The following SLC38A6 variants were observed in gnomAD, a reference collection of about 807,000 sequenced individuals.
SLC38A6 encodes N system amino acid transporter NAT-1.
A neutral mutation model predicts 65.0 loss-of-function variants in SLC38A6; 73 were observed. The ratio of observed to expected loss-of-function variants is 1.12; its 90% CI spans 0.93 to 1.37. The LOEUF (loss-of-function observed/expected upper bound fraction) is 1.37, where lower values mean the gene tolerates loss of function less well. SLC38A6 is among the 40% of genes most tolerant of loss of function. The pLI is 0.00. For missense variants in SLC38A6, 561 were observed against 531.1 expected (o/e 1.06, Z -0.55); for synonymous variants, 183 against 178.8 (o/e 1.02, Z -0.19).
chr14:61,050,217 CA>C (rs1449648787), intron 12 of SLC38A6, among the ~76,000 whole-genome samples: 5 of 152,076 alleles, frequency 3.3e-5, no homozygotes, highest in African/African-American at 1.2e-4. Context: ...ACAAACAGCA[CA>C]AATGTTCAAA....
chr14:61,079,334 A>G (rs1299840499), intron 16 of SLC38A6, among the ~76,000 whole-genome samples: 2 of 151,564 alleles, frequency 1.3e-5, no homozygotes, highest in Non-Finnish European at 2.9e-5. Context: ...GCGGGGTTTC[A>G]CCATGTTGGT....
chr14:60,990,571 GTATCTCCCC>G (rs2037789084), intron 3 of SLC38A6, among the ~76,000 whole-genome samples: 1 of 152,056 alleles, frequency 6.6e-6, no homozygotes. Context: ...AAGTTATTCT[GTATCTCCCC>G]TTTTTCCCCT....
intron 12 of SLC38A6, among the ~76,000 whole-genome samples, chr14:61,047,126 C>T (rs968317408): frequency 1.3e-5 from 2 of 152,020 alleles, no homozygotes. Flanking sequence ...GGCACAAACA[C>T]TATTATATTT....
chr14:61,033,926 A>C (rs2041170988), intron 6 of SLC38A6: 1 of 152,198 alleles, frequency 6.6e-6, no homozygotes, highest in African/African-American at 2.4e-5. Context: ...ATCCTATGAA[A>C]AGGAGAATGC....
intron 15 of SLC38A6, among the ~76,000 whole-genome samples, chr14:61,065,090 C>T (rs182018628): frequency 3.9e-3 from 597 of 152,038 alleles, no homozygotes; most frequent in African/African-American, 0.014. Flanking sequence ...CTTTAAACAC[C>T]CAAGGTCTGG....
At chr14:61,070,518 T>A in intron 15 of SLC38A6, among the ~76,000 whole-genome samples, 1 of 152,354 alleles carries the variant, frequency 6.6e-6, no homozygotes, top group East Asian at 1.9e-4. Context: ...GCAACAAACA[T>A]GGGAGTGCAA....
chr14:61,074,766 C>G lies in SLC38A6; in HGVS notation c.1291-4044C>G, dbSNP rs1049323475. On this transcript the variant is annotated intron_variant, in intron 15 of 16. Transcript: ENST00000354886. Reference sequence around the variant, plus strand: ...CTTTCTTCTTTCACAAATGTTGTCCCTTTCTCCAAAAGGATAAGAAGCTGC... The same window carrying G: ...CTTTCTTCTTTCACAAATGTTGTCCGTTTCTCCAAAAGGATAAGAAGCTGC... Among the ~76,000 whole-genome samples, 7 of 142,208 alleles carry G rather than the reference C, an allele frequency of 4.9e-5. No homozygotes were observed. The South Asian group carries it at 1.4e-3, about 29-fold the overall frequency. The allele number at this position is 142,208 out of a possible 152,430, so 93.3% of individuals were successfully genotyped here.
At chr14:61,079,286 A>G (rs1313295357) in intron 16 of SLC38A6, among the ~76,000 whole-genome samples, 1 of 151,340 alleles carries the variant, frequency 6.6e-6, no homozygotes, top group Non-Finnish European at 1.5e-5. Context: ...ACAGGCACAC[A>G]CTACTACACC....
At chr14:61,026,658 G>T (rs149732936) in intron 5 of SLC38A6, among the ~76,000 whole-genome samples, 1 of 151,596 alleles carries the variant, frequency 6.6e-6, no homozygotes, top group Non-Finnish European at 1.5e-5. Context: ...TTGTTTTGTT[G>T]GTTTACTTTT....
intron 15 of SLC38A6, among the ~76,000 whole-genome samples, chr14:61,069,449 G>T (rs2182981): frequency 6.6e-6 from 1 of 151,756 alleles, no homozygotes; most frequent in Non-Finnish European, 1.5e-5. Flanking sequence ...CCTTTCTTAC[G>T]TATGTTCTAC....
At position 61,069,730 on chromosome 14, in the gene SLC38A6, A is replaced by G. The variant is rs181966802; in HGVS notation, c.1291-9080A>G. 1.6e-4 allele frequency among the ~76,000 whole-genome samples: 25 copies of G among 152,276 alleles called. No individual in the cohort carries two copies. The East Asian group carries it at 1.9e-3, about 12-fold the overall frequency. ...TTGTAAGATTTTTCGTATTTTTTTCATAAACTACTTTTGTAATTTTGTATT... is the reference window on the plus strand; with the variant it reads ...TTGTAAGATTTTTCGTATTTTTTTCGTAAACTACTTTTGTAATTTTGTATT... On this transcript the variant is annotated intron_variant, in intron 15 of 16. Coordinates refer to the SLC38A6 transcript ENST00000354886.
rs1234903263 is a variant in SLC38A6 at position 61,030,490 on chromosome 14, C to G, written c.449C>G (p.Ala150Gly). ...ATTATTAAAACAGAGCTTCCTGCTG[C>G]TATTGCAGAATTTTTGACTGGAGAC... ...LLIIKTELPA[A>G]IAEFLTGDYS... Residue 150 changes from alanine to glycine, a missense_variant, in exon 6 of 16, where the codon GCT becomes GGT. By Grantham distance (60) the Ala-to-Gly change is moderately conservative. Coordinates refer to ENST00000267488, the MANE Select transcript of SLC38A6 (RefSeq NM_153811.3). 6.2e-7 allele frequency: 1 copy of G among 1,610,960 alleles called. No homozygotes were observed. Among genetic ancestry groups the G allele is most frequent in the Admixed American group, 1.7e-5 (1 of 59,644 alleles).
chr14:61,052,286 T>A, intron 15 of SLC38A6, 63 bp from the exon 16 acceptor site: 3 of 1,393,300 alleles, frequency 2.2e-6, no homozygotes, highest in Non-Finnish European at 2.9e-6. Context: ...ATAATCCAAT[T>A]GTATTTTTTT....
chr14:61,028,684 C>T (rs1314371599), intron 5 of SLC38A6, among the ~76,000 whole-genome samples: 1 of 152,098 alleles, frequency 6.6e-6, no homozygotes, highest in Admixed American at 6.5e-5. Context: ...TGAGACATAG[C>T]TGTACTTCTG....
intron 5 of SLC38A6, among the ~76,000 whole-genome samples, chr14:61,028,448 A>C (rs1479241408): frequency 6.6e-6 from 1 of 152,158 alleles, no homozygotes; most frequent in Non-Finnish European, 1.5e-5. Flanking sequence ...TTATCTTTGC[A>C]CCATATGTGT....
At chr14:61,026,614 AG>A (rs1429513802) in intron 5 of SLC38A6, among the ~76,000 whole-genome samples, 1 of 152,148 alleles carries the variant, frequency 6.6e-6, no homozygotes, top group East Asian at 1.9e-4. Context: ...AATTCTGAAG[AG>A]TGGTACTTCT....
At position 61,052,549 on chromosome 14, in the gene SLC38A6, G is replaced by A. The variant is rs2042568259; in HGVS notation, c.*120G>A. On this transcript the variant is annotated 3_prime_UTR_variant, in exon 16 of 16. Transcript: ENST00000267488. The stretch of plus-strand genomic sequence containing the variant: ...AATAAAAATTATTAACAGAAAAGCA[G>A]AACAAAATGGCAGTGGGTATGGGGA... 1 of 1,372,428 alleles carries A rather than the reference G, an allele frequency of 7.3e-7. No individual in the cohort carries two copies. Among genetic ancestry groups the A allele is most frequent in the Non-Finnish European group, 9.4e-7 (1 of 1,061,916 alleles). 85.0% of individuals were successfully genotyped at this position (1,372,428 alleles called of 1,614,324 possible). A position where few individuals can be genotyped will look rare whatever the true frequency, so the allele number is the denominator to read the frequency against.
chr14:61,002,322 A>G (rs1344179695), intron 3 of SLC38A6: 2 of 152,160 alleles, frequency 1.3e-5, no homozygotes, highest in African/African-American at 4.8e-5. Flanking sequence ...AATGACCTGC[A>G]TGGGCAAATA....
intron 3 of SLC38A6, 72 bp downstream of exon 3, chr14:60,984,875 A>G (rs148646365): frequency 9.1e-6 from 12 of 1,324,760 alleles, no homozygotes; most frequent in African/African-American, 2.9e-5. Flanking sequence ...ATAGAACTGG[A>G]TGTCTCAAAT....
Sources: gnomAD v4.1 joint callset for allele counts (sites outside exome capture counted in the v4.1 genomes callset) on GRCh38, gnomAD v4.1.1 for gene constraint, MANE v1.5 for transcripts, NCBI Gene and HGNC (gene_info 2026-07-23, HGNC 2026-07-21) for gene names.